Variants in DPP10 observed in about 807,000 individuals in gnomAD.
The protein encoded by DPP10 is dipeptidyl peptidase like 10.
In DPP10, 33 loss-of-function variants were observed where a neutral mutation model predicts 120.9. The ratio of observed to expected loss-of-function variants is 0.27; its 90% CI spans 0.21 to 0.37. The LOEUF is 0.37. Ranked by LOEUF, DPP10 falls within the 10% of genes least tolerant of loss-of-function variation. DPP10 has a pLI of 1.00. For synonymous variants in DPP10, 337 were observed against 326.1 expected (o/e 1.03, Z -0.36); for missense variants, 816 against 942.8 (o/e 0.87, Z 1.76).
chr2:115,195,427 G>A (rs2055188933), intron 1 of DPP10, among the ~76,000 whole-genome samples: 1 of 152,134 alleles, frequency 6.6e-6, no homozygotes, highest in Non-Finnish European at 1.5e-5. Flanking sequence ...TTTTAAAAGT[G>A]TGACTATTTG....
chr2:115,703,784 G>T (rs934632849), intron 7 of DPP10, among the ~76,000 whole-genome samples: 4 of 151,932 alleles, frequency 2.6e-5, no homozygotes, highest in African/African-American at 9.7e-5. Flanking sequence ...GCCTAACCAA[G>T]TTAACACAAG....
At chr2:115,620,220 C>G (rs1299506322) in intron 5 of DPP10, among the ~76,000 whole-genome samples, 1 of 152,178 alleles carries the variant, frequency 6.6e-6, no homozygotes, top group Non-Finnish European at 1.5e-5. Flanking sequence ...TGACTTTCCA[C>G]GTGATCTTTC....
At chr2:115,627,283 C>T (rs1328338657) in intron 5 of DPP10, among the ~76,000 whole-genome samples, 1 of 152,098 alleles carries the variant, frequency 6.6e-6, no homozygotes, top group Non-Finnish European at 1.5e-5. Flanking sequence ...ACACCTGACA[C>T]TGGGCAGATG....
At chr2:115,580,989 T>A (rs1045912212) in intron 5 of DPP10, among the ~76,000 whole-genome samples, 2 of 152,162 alleles carry the variant, frequency 1.3e-5, no homozygotes, top group Non-Finnish European at 2.9e-5. Flanking sequence ...AGAGGTTAGA[T>A]CACTTAGCCA....
At chr2:115,429,584 T>C (rs2070784825) in intron 3 of DPP10, among the ~76,000 whole-genome samples, 2 of 152,324 alleles carry the variant, frequency 1.3e-5, no homozygotes, top group South Asian at 2.1e-4. Flanking sequence ...ACCCACAGTG[T>C]CCTCAGGACT....
intron 1 of DPP10, among the ~76,000 whole-genome samples, chr2:114,583,433 A>G (rs972732566): frequency 2.6e-5 from 4 of 152,234 alleles, no homozygotes; most frequent in East Asian, 1.9e-4. Flanking sequence ...AACACAAACA[A>G]TAAGATTAAA....
chr2:115,647,291 C>A (rs968328422), intron 5 of DPP10, among the ~76,000 whole-genome samples: 1 of 152,144 alleles, frequency 6.6e-6, no homozygotes. Context: ...GAATTTCAGG[C>A]ATTGCAGTAG....
chr2:115,090,310 C>A (rs1023303508), intron 1 of DPP10, among the ~76,000 whole-genome samples: 1 of 152,072 alleles, frequency 6.6e-6, no homozygotes, highest in African/African-American at 2.4e-5. Context: ...AATGTGTAGT[C>A]CCTGGGTATT....
chr2:115,761,387 G>T (rs9646931), intron 11 of DPP10, among the ~76,000 whole-genome samples: 32,294 of 152,070 alleles, frequency 0.21, 4,378 homozygotes, highest in Admixed American at 0.37. Flanking sequence ...ATAGAAAATA[G>T]ATCCAGTAAT....
chr2:115,232,006 A>G (rs546205719), intron 1 of DPP10, among the ~76,000 whole-genome samples: 106 of 152,090 alleles, frequency 7.0e-4, no homozygotes, highest in African/African-American at 2.4e-3. Flanking sequence ...ATGTGCTTCC[A>G]CATAAGCCCC....
At chr2:114,926,850 A>ACT (rs569830729) in intron 1 of DPP10, among the ~76,000 whole-genome samples, 43 of 136,568 alleles carry the variant, frequency 3.1e-4, no homozygotes, top group African/African-American at 1.2e-3. Flanking sequence ...GGAAGATACA[A>ACT]TTTTTTTTTT....
intron 5 of DPP10, among the ~76,000 whole-genome samples, chr2:115,660,309 G>A (rs897939693): frequency 5.3e-5 from 8 of 152,240 alleles, no homozygotes; most frequent in Middle Eastern, 3.4e-3. Context: ...AACTTTTTTA[G>A]AGAGGCTTGC....
At chr2:115,560,264 G>T (rs1319001132) in intron 5 of DPP10, among the ~76,000 whole-genome samples, 1 of 145,856 alleles carries the variant, frequency 6.9e-6, no homozygotes, top group Non-Finnish European at 1.5e-5. Context: ...CCAGCTACTC[G>T]GGAGGCTGAG....
At chr2:115,149,041 G>A (rs1158586464) in intron 1 of DPP10, among the ~76,000 whole-genome samples, 1 of 152,050 alleles carries the variant, frequency 6.6e-6, no homozygotes, top group African/African-American at 2.4e-5. Flanking sequence ...TGACAAATAT[G>A]GGCCACTTGT....
chr2:115,801,576 T>C (rs1301352229), intron 19 of DPP10, among the ~76,000 whole-genome samples: 1 of 152,220 alleles, frequency 6.6e-6, no homozygotes, highest in Non-Finnish European at 1.5e-5. Flanking sequence ...GGGTTTGTCA[T>C]AAATAGCTCT....
At chr2:115,742,067 T>G (rs983899725) in intron 9 of DPP10, among the ~76,000 whole-genome samples, 8 of 146,652 alleles carry the variant, frequency 5.5e-5, no homozygotes, top group African/African-American at 2.0e-4. Flanking sequence ...ATGATAAACT[T>G]TATGTTTTCA....
chr2:115,145,800 G>A lies in DPP10; in HGVS notation c.61-163439G>A, dbSNP rs185128626. On this transcript the variant is annotated intron_variant, in intron 1 of 25. Coordinates refer to ENST00000410059, the MANE Select transcript of DPP10 (RefSeq NM_020868.6). ...TGAGAGTTTCAGTTGCTCCACATTC[G>A]TGTCAGAATTTAGTGTTATCATTAT... 5.3e-5 allele frequency among the ~76,000 whole-genome samples: 8 copies of A among 152,132 alleles called. No individual in the cohort carries two copies. The South Asian group carries it at 6.2e-4, about 12-fold the overall frequency.
At chr2:115,447,037 C>T (rs960879957) in intron 3 of DPP10, among the ~76,000 whole-genome samples, 1 of 152,174 alleles carries the variant, frequency 6.6e-6, no homozygotes, top group Non-Finnish European at 1.5e-5. Flanking sequence ...CAACACCAAC[C>T]CATGAGAACA....
At chr2:114,890,584 G>A (rs1004459216) in intron 1 of DPP10, among the ~76,000 whole-genome samples, 2 of 152,050 alleles carry the variant, frequency 1.3e-5, no homozygotes, top group Non-Finnish European at 2.9e-5. Flanking sequence ...CTAGAATTAG[G>A]CCAATTTAAA....
Sources: allele counts gnomAD v4.1 joint callset (sites outside exome capture counted in the v4.1 genomes callset), GRCh38; gene constraint gnomAD v4.1.1; transcripts MANE v1.5; gene names NCBI Gene and HGNC (gene_info 2026-07-23, HGNC 2026-07-21).